MDFIC2: variants seen among roughly 807,000 people sequenced by gnomAD.
The protein encoded by MDFIC2 is MyoD family inhibitor domain containing 2, also known as myoD family inhibitor domain-containing protein 2.
intron 2 of MDFIC2, among the ~76,000 whole-genome samples, chr3:70,269,710 A>G (rs1575611320): frequency 6.6e-6 from 1 of 151,920 alleles, no homozygotes; most frequent in Admixed American, 6.5e-5. Context: ...GCAAAAAACT[A>G]GGAATTAATG....
intron 2 of MDFIC2, among the ~76,000 whole-genome samples, chr3:70,257,229 T>C (rs1333404340): frequency 2.0e-5 from 3 of 152,216 alleles, no homozygotes; most frequent in East Asian, 3.9e-4. Flanking sequence ...GGCAAACCCT[T>C]CCCCATTCCT....
intron 3 of MDFIC2, among the ~76,000 whole-genome samples, chr3:70,200,562 C>T: frequency 6.6e-6 from 1 of 152,168 alleles, no homozygotes; most frequent in Non-Finnish European, 1.5e-5. Flanking sequence ...GCTTTAAACA[C>T]CTTCCCTTTA....
At chr3:70,259,627 C>T (rs1701847201) in intron 2 of MDFIC2, among the ~76,000 whole-genome samples, 1 of 152,170 alleles carries the variant, frequency 6.6e-6, no homozygotes, top group Admixed American at 6.6e-5. Flanking sequence ...ACCATCTCTA[C>T]ACCCTGAAAG....
At chr3:70,206,868 T>C in intron 2 of MDFIC2, 78 bp from the exon 3 acceptor site, 1 of 396,084 alleles carries the variant, frequency 2.5e-6, no homozygotes, top group Non-Finnish European at 4.5e-6. Context: ...TGCAGAAATT[T>C]TCACATTTGA....
intron 2 of MDFIC2, among the ~76,000 whole-genome samples, chr3:70,294,454 C>T (rs1702270925): frequency 6.6e-6 from 1 of 151,802 alleles, no homozygotes; most frequent in South Asian, 2.1e-4. Flanking sequence ...CCATATATTC[C>T]CTGACAGTTT....
chr3:70,204,452 G>C, intron 3 of MDFIC2: 1 of 152,110 alleles, frequency 6.6e-6, no homozygotes. Context: ...GTGGGTCTTA[G>C]GTTGGCTTCT....
intron 2 of MDFIC2, among the ~76,000 whole-genome samples, chr3:70,251,059 G>A (rs1363461219): frequency 7.2e-5 from 11 of 152,268 alleles, no homozygotes; most frequent in South Asian, 6.2e-4. Context: ...GCTGTACACG[G>A]TTGAATCGTA....
intron 3 of MDFIC2, among the ~76,000 whole-genome samples, chr3:70,199,775 T>A (rs1227148463): frequency 2.6e-5 from 4 of 152,176 alleles, no homozygotes; most frequent in Admixed American, 2.6e-4. Context: ...TCCTGGTGCT[T>A]TAATGTTTAA....
At chr3:70,297,183 A>G (rs1200070632) in intron 2 of MDFIC2, among the ~76,000 whole-genome samples, 9 of 152,110 alleles carry the variant, frequency 5.9e-5, no homozygotes, top group Non-Finnish European at 1.3e-4. Flanking sequence ...TTACTATTGG[A>G]TGATTTAAAT....
intron 2 of MDFIC2, among the ~76,000 whole-genome samples, chr3:70,303,241 C>T (rs1039385028): frequency 2.0e-5 from 3 of 152,040 alleles, no homozygotes; most frequent in African/African-American, 4.8e-5. Flanking sequence ...TTCTGATGCT[C>T]GAACCCTGAA....
chr3:70,228,405 A>G (rs955143257), intron 2 of MDFIC2, among the ~76,000 whole-genome samples: 2 of 152,052 alleles, frequency 1.3e-5, no homozygotes, highest in Non-Finnish European at 1.5e-5. Context: ...TTGTTGTCTT[A>G]TGACTGACGT....
intron 2 of MDFIC2, among the ~76,000 whole-genome samples, chr3:70,261,500 G>A (rs1354970959): frequency 6.6e-6 from 1 of 152,048 alleles, no homozygotes; most frequent in African/African-American, 2.4e-5. Context: ...TCTATATCCT[G>A]ATTAATAATT....
chr3:70,206,582 G>C lies in MDFIC2; in HGVS notation c.297C>G (p.His99Gln). 2.5e-6 allele frequency: 1 copy of C among 397,730 alleles called. No homozygotes were observed. Among genetic ancestry groups the C allele is most frequent in the Admixed American group, 4.4e-5 (1 of 22,690 alleles). The allele number at this position is 397,730 out of a possible 1,614,324, so 24.6% of individuals were successfully genotyped here. A position where few individuals can be genotyped will look rare whatever the true frequency, so the allele number is the denominator to read the frequency against. The change falls in exon 3 of 4, where the codon CAC becomes CAG. Residue 99 changes from histidine to glutamine, a missense_variant. Physicochemically the swap from His to Gln is conservative, Grantham distance 24 (BLOSUM62 0). Transcript: ENST00000567252. ...SYLQTDTSVH[H>Q]RDTDEECASL... ...TGAGAAACATACCATCAGTGTCTCT[G>C]TGATGAACTGAAGTATCAGTTTGGA...
At chr3:70,225,990 C>T (rs1463086026) in intron 2 of MDFIC2, among the ~76,000 whole-genome samples, 1 of 151,998 alleles carries the variant, frequency 6.6e-6, no homozygotes, top group African/African-American at 2.4e-5. Flanking sequence ...AGACATATTG[C>T]CTTAATTTTT....
At chr3:70,201,656 C>T (rs1337909837) in intron 3 of MDFIC2, among the ~76,000 whole-genome samples, 1 of 152,148 alleles carries the variant, frequency 6.6e-6, no homozygotes, top group Non-Finnish European at 1.5e-5. Context: ...ACCAGACTGA[C>T]TCCTCCACAG....
At chr3:70,255,650 G>T (rs1240476233) in intron 2 of MDFIC2, among the ~76,000 whole-genome samples, 2 of 151,960 alleles carry the variant, frequency 1.3e-5, no homozygotes, top group South Asian at 4.2e-4. Flanking sequence ...GTGGAGGTGG[G>T]GTCTCATTAT....
At chr3:70,306,568 A>T (rs140294170) in intron 2 of MDFIC2, among the ~76,000 whole-genome samples, 1 of 152,002 alleles carries the variant, frequency 6.6e-6, no homozygotes, top group Admixed American at 6.6e-5. Context: ...TTTATTGCCC[A>T]TTCCCCACCC....
intron 2 of MDFIC2, among the ~76,000 whole-genome samples, 159 bp from the exon 3 acceptor site, chr3:70,206,949 T>C (rs1387199259): frequency 6.6e-6 from 1 of 151,766 alleles, no homozygotes; most frequent in Admixed American, 6.6e-5. Flanking sequence ...AATAAAAATA[T>C]GAGAAAGAAG....
intron 2 of MDFIC2, among the ~76,000 whole-genome samples, chr3:70,246,325 G>A (rs1172571521): frequency 6.6e-6 from 1 of 152,092 alleles, no homozygotes. Context: ...TTGAACGTAA[G>A]CTGGAAAGAA....
Sources: allele counts gnomAD v4.1 joint callset (sites outside exome capture counted in the v4.1 genomes callset), GRCh38; gene constraint gnomAD v4.1.1; transcripts MANE v1.5; gene names NCBI Gene and HGNC (gene_info 2026-07-23, HGNC 2026-07-21).